Variants in GULP1 observed in about 807,000 individuals in gnomAD.
GULP1 encodes the protein PTB domain-containing engulfment adapter protein 1.
In GULP1, 19 loss-of-function variants were observed where a neutral mutation model predicts 40.9. The observed-to-expected ratio is 0.46, with a 90% confidence interval of 0.32 to 0.68. GULP1 has a LOEUF of 0.68. Ranked by LOEUF, GULP1 falls within the 30% of genes least tolerant of loss-of-function variation. The pLI is 0.03. For synonymous variants in GULP1, 119 were observed against 117.6 expected (o/e 1.01, Z -0.08); for missense variants, 312 against 362.2 (o/e 0.86, Z 1.12).
At chr2:188,418,066 G>T (rs1384306297) in intron 2 of GULP1, among the ~76,000 whole-genome samples, 1 of 151,532 alleles carries the variant, frequency 6.6e-6, no homozygotes, top group Non-Finnish European at 1.5e-5. Context: ...CTCCTGCCTT[G>T]CCCTCCTATA....
intron 2 of GULP1, among the ~76,000 whole-genome samples, chr2:188,463,605 T>C (rs2059887027): frequency 6.6e-6 from 1 of 152,162 alleles, no homozygotes; most frequent in African/African-American, 2.4e-5. Context: ...TATCTTTTTC[T>C]CTACCTTCTC....
At chr2:188,294,663 T>C (rs186710443) in intron 1 of GULP1, among the ~76,000 whole-genome samples, 40 of 152,334 alleles carry the variant, frequency 2.6e-4, no homozygotes, top group African/African-American at 8.7e-4. Flanking sequence ...ATTGTGAATA[T>C]TAGCCTGCTT....
chr2:188,462,610 A>G (rs1234154439), intron 2 of GULP1, among the ~76,000 whole-genome samples: 1 of 152,156 alleles, frequency 6.6e-6, no homozygotes, highest in African/African-American at 2.4e-5. Flanking sequence ...TGTTGGGTGC[A>G]TATATATTTA....
At chr2:188,374,715 C>T (rs1164677305) in intron 1 of GULP1, among the ~76,000 whole-genome samples, 1 of 150,816 alleles carries the variant, frequency 6.6e-6, no homozygotes, top group African/African-American at 2.4e-5. Flanking sequence ...CCTGGAACTA[C>T]AGCTAGGGTC....
At chr2:188,471,682 G>A (rs2060605709) in intron 2 of GULP1, among the ~76,000 whole-genome samples, 1 of 152,094 alleles carries the variant, frequency 6.6e-6, no homozygotes, top group Non-Finnish European at 1.5e-5. Context: ...TCTTAACTAT[G>A]TCCCTGCTTT....
intron 7 of GULP1, among the ~76,000 whole-genome samples, chr2:188,543,638 C>T (rs750823512): frequency 5.3e-5 from 8 of 152,142 alleles, no homozygotes; most frequent in Non-Finnish European, 1.0e-4. Flanking sequence ...TGGCCTATCT[C>T]ATACAACTCT....
At chr2:188,501,478 A>G (rs1405979961) in intron 4 of GULP1, among the ~76,000 whole-genome samples, 1 of 151,912 alleles carries the variant, frequency 6.6e-6, no homozygotes, top group Non-Finnish European at 1.5e-5. Context: ...GAAAAAATGG[A>G]CTAATACACA....
intron 2 of GULP1, among the ~76,000 whole-genome samples, chr2:188,430,982 A>C (rs183433615): frequency 6.0e-4 from 92 of 152,206 alleles, no homozygotes; most frequent in African/African-American, 2.1e-3. Flanking sequence ...TTAATATCAT[A>C]TTTTCACGTC....
chr2:188,454,440 AT>A (rs906740732), intron 2 of GULP1, among the ~76,000 whole-genome samples: 2 of 152,188 alleles, frequency 1.3e-5, no homozygotes, highest in African/African-American at 4.8e-5. Context: ...GGATAGGTAT[AT>A]GTAAAATAGG....
At chr2:188,472,992 G>C (rs998064274) in intron 2 of GULP1, among the ~76,000 whole-genome samples, 2 of 152,120 alleles carry the variant, frequency 1.3e-5, no homozygotes, top group African/African-American at 4.8e-5. Context: ...ATCTGCTTTG[G>C]GGGGGACCCC....
chr2:188,420,556 C>T (rs190156463), intron 2 of GULP1, among the ~76,000 whole-genome samples: 122 of 152,206 alleles, frequency 8.0e-4, no homozygotes, highest in Non-Finnish European at 1.3e-3. Flanking sequence ...GTTCTTGTCC[C>T]GTGACCAGGA....
intron 1 of GULP1, among the ~76,000 whole-genome samples, chr2:188,358,912 C>T (rs960501729): frequency 6.6e-6 from 1 of 152,026 alleles, no homozygotes; most frequent in African/African-American, 2.4e-5. Context: ...AATAAGTAAT[C>T]AGTCTAGCAT....
At chr2:188,353,763 T>C (rs1380439237) in intron 1 of GULP1, among the ~76,000 whole-genome samples, 1 of 151,640 alleles carries the variant, frequency 6.6e-6, no homozygotes, top group African/African-American at 2.4e-5. Context: ...GTACCCAAGC[T>C]GAAGAGGTGC....
chr2:188,467,836 C>T (rs1371955793), intron 2 of GULP1, among the ~76,000 whole-genome samples: 1 of 151,976 alleles, frequency 6.6e-6, no homozygotes, highest in African/African-American at 2.4e-5. Flanking sequence ...GTCTAGTGCT[C>T]GCTTTATGAA....
intron 1 of GULP1, among the ~76,000 whole-genome samples, chr2:188,369,514 A>G (rs1467266180): frequency 3.3e-5 from 5 of 152,012 alleles, no homozygotes; most frequent in Non-Finnish European, 7.4e-5. Flanking sequence ...CAGAATTGGG[A>G]CGTAACTAGT....
In GULP1 at chr2:188,404,859, G is replaced by C. The variant is rs547753392; in HGVS notation, c.-45+20970G>C. On this transcript the variant is annotated intron_variant, in intron 2 of 11. Coordinates refer to ENST00000409830, the MANE Select transcript of GULP1 (RefSeq NM_016315.4). Reference sequence around the variant, plus strand: ...AGCCAGGTTGGCCCATGCAACCCAGGCTTCAGGGCCACCCTGGCATCAGAT... The same window carrying C: ...AGCCAGGTTGGCCCATGCAACCCAGCCTTCAGGGCCACCCTGGCATCAGAT... Among the ~76,000 whole-genome samples the C allele has an allele frequency of 1.4e-4, 22 of 152,134 alleles. No individual in the cohort carries two copies. The South Asian group carries it at 4.1e-3, about 29-fold the overall frequency.
At chr2:188,449,202 C>T (rs1324483446) in intron 2 of GULP1, among the ~76,000 whole-genome samples, 1 of 152,098 alleles carries the variant, frequency 6.6e-6, no homozygotes, top group Non-Finnish European at 1.5e-5. Context: ...CCATTTTTCC[C>T]ACCCTTGCAG....
In GULP1 at chr2:188,384,521, G is replaced by A. The variant is rs533792758; in HGVS notation, c.-45+632G>A. On this transcript the variant is annotated intron_variant, in intron 2 of 11. Transcript: ENST00000409830. ...GCCAAACCTTATCATTCCATCCCTG[G>A]CCCCTCTCAAATCTCATGTCCTCAC... Among the ~76,000 whole-genome samples, 18 of 152,072 alleles carry A rather than the reference G, an allele frequency of 1.2e-4. 1 individual carries two copies. In the South Asian group the frequency reaches 2.7e-3, roughly 23 times the overall value.
intron 1 of GULP1, among the ~76,000 whole-genome samples, chr2:188,295,822 T>C (rs1167891778): frequency 6.6e-6 from 1 of 152,068 alleles, no homozygotes; most frequent in African/African-American, 2.4e-5. Flanking sequence ...AACAAGTGGC[T>C]GTTTGAGGAT....
Sources: allele counts gnomAD v4.1 joint callset (sites outside exome capture counted in the v4.1 genomes callset), GRCh38; gene constraint gnomAD v4.1.1; transcripts MANE v1.5; gene names NCBI Gene and HGNC (gene_info 2026-07-23, HGNC 2026-07-21).